MTBP: variants seen among roughly 807,000 people sequenced by gnomAD.
MTBP encodes the protein MDM2 binding protein, also known as mdm2-binding protein.
MTBP carries 101 observed loss-of-function variants against 117.0 expected under a neutral mutation model. The ratio of observed to expected loss-of-function variants is 0.86; its 90% CI spans 0.73 to 1.02. The LOEUF (loss-of-function observed/expected upper bound fraction) is 1.02. Among genes scored for constraint, MTBP ranks in the 50% least tolerant of loss-of-function variants. MTBP has a pLI of 0.00. For missense variants in MTBP, 970 were observed against 1,030.9 expected, an observed-to-expected ratio of 0.94 and a Z score of 0.81; for synonymous variants, 350 against 351.5, an observed-to-expected ratio of 1.00 and a Z score of 0.05.
At chr8:120,459,462 G>A in intron 8 of MTBP, 113 bp downstream of exon 8, 1 of 1,021,378 alleles carries the variant, frequency 9.8e-7, no homozygotes, top group South Asian at 1.9e-5. Context: ...GTGCTCACTA[G>A]CATAATTTTT....
chr8:120,482,967 G>A (rs745930965), intron 11 of MTBP, among the ~76,000 whole-genome samples: 41 of 150,728 alleles, frequency 2.7e-4, no homozygotes, highest in Non-Finnish European at 4.9e-4. Flanking sequence ...CCAAAGTGCT[G>A]GGATTACAGG....
chr8:120,518,872 T>A (rs1356523186), intron 20 of MTBP, 55 bp downstream of exon 20: 1 of 1,231,866 alleles, frequency 8.1e-7, no homozygotes, highest in Non-Finnish European at 1.2e-6. Context: ...AATGTTCCTG[T>A]TTGACATAAA....
intron 11 of MTBP, among the ~76,000 whole-genome samples, chr8:120,477,508 C>CA (rs1211298786): frequency 1.3e-5 from 2 of 152,118 alleles, no homozygotes; most frequent in Non-Finnish European, 2.9e-5. Context: ...ATCCATCTGA[C>CA]AAAGGGCTAA....
intron 13 of MTBP, among the ~76,000 whole-genome samples, chr8:120,496,946 T>C (rs970580698): frequency 6.6e-6 from 1 of 152,198 alleles, no homozygotes; most frequent in Non-Finnish European, 1.5e-5. Flanking sequence ...CCAAAATTTG[T>C]TGAAAAATGT....
At chr8:120,500,787 T>C (rs2130599454) in intron 14 of MTBP, among the ~76,000 whole-genome samples, 1 of 152,366 alleles carries the variant, frequency 6.6e-6, no homozygotes, top group Non-Finnish European at 1.5e-5. Context: ...CCAGGCGTGG[T>C]GGCTCACGCC....
intron 11 of MTBP, among the ~76,000 whole-genome samples, chr8:120,478,555 TA>T (rs1268715105): frequency 3.9e-5 from 6 of 152,222 alleles, no homozygotes; most frequent in Non-Finnish European, 7.3e-5. Context: ...CTTATATTTT[TA>T]AAATTGGAAT....
intron 17 of MTBP, 81 bp from the exon 18 acceptor site, chr8:120,515,844 T>C: frequency 1.6e-6 from 2 of 1,265,628 alleles, no homozygotes; most frequent in Non-Finnish European, 1.1e-6. Flanking sequence ...AAAGTAAATG[T>C]CCTGCTATTT....
At chr8:120,502,095 G>A (rs913778155) in intron 14 of MTBP, among the ~76,000 whole-genome samples, 1 of 152,008 alleles carries the variant, frequency 6.6e-6, no homozygotes, top group Non-Finnish European at 1.5e-5. Context: ...TGGTCTATTT[G>A]TGCTAATTCC....
intron 10 of MTBP, among the ~76,000 whole-genome samples, chr8:120,470,333 A>G (rs1813792432): frequency 6.6e-6 from 1 of 152,216 alleles, no homozygotes; most frequent in Non-Finnish European, 1.5e-5. Context: ...TATTAGCATT[A>G]AATCTCTGAT....
At chr8:120,506,325 G>A (rs1224800550) in intron 15 of MTBP, among the ~76,000 whole-genome samples, 1 of 152,022 alleles carries the variant, frequency 6.6e-6, no homozygotes, top group East Asian at 1.9e-4. Context: ...TTATAGTATT[G>A]TGGGGTTTCA....
chr8:120,449,821 G>T (rs1041401699), intron 2 of MTBP, among the ~76,000 whole-genome samples: 1 of 152,104 alleles, frequency 6.6e-6, no homozygotes, highest in Non-Finnish European at 1.5e-5. Flanking sequence ...ACTAAAAACC[G>T]CTAGATTTAG....
At chr8:120,479,808 AAACAT>A (rs1237531683) in intron 11 of MTBP, among the ~76,000 whole-genome samples, 1 of 152,140 alleles carries the variant, frequency 6.6e-6, no homozygotes, top group Non-Finnish European at 1.5e-5. Flanking sequence ...AATAAAAACA[AAACAT>A]AAAATGAATG....
At chr8:120,469,232 G>A (rs896665074) in intron 10 of MTBP, among the ~76,000 whole-genome samples, 3 of 151,690 alleles carry the variant, frequency 2.0e-5, no homozygotes, top group East Asian at 1.9e-4. Context: ...CTTTAGTAGA[G>A]ACAAGGTTAC....
intron 16 of MTBP, among the ~76,000 whole-genome samples, chr8:120,508,429 A>G (rs1358790294): frequency 6.6e-6 from 1 of 152,214 alleles, no homozygotes; most frequent in Non-Finnish European, 1.5e-5. Flanking sequence ...TGCTAGATAA[A>G]GATTTCCATT....
At chr8:120,454,382 T>C (rs1046482367) in intron 5 of MTBP, among the ~76,000 whole-genome samples, 1 of 152,106 alleles carries the variant, frequency 6.6e-6, no homozygotes, top group African/African-American at 2.4e-5. Flanking sequence ...AGAACCTATT[T>C]TTTTCCCCAT....
intron 11 of MTBP, among the ~76,000 whole-genome samples, chr8:120,486,316 G>A (rs1814213600): frequency 6.6e-6 from 1 of 152,086 alleles, no homozygotes; most frequent in South Asian, 2.1e-4. Context: ...GTAGTGCTTA[G>A]GGCCTTCTGT....
intron 11 of MTBP, chr8:120,471,807 G>C (rs1563791088): frequency 6.6e-6 from 1 of 152,144 alleles, no homozygotes. Context: ...CCAAGGGTTT[G>C]AATCTGTGCT....
intron 18 of MTBP, among the ~76,000 whole-genome samples, chr8:120,517,124 A>G (rs1019597510): frequency 6.6e-6 from 1 of 152,020 alleles, no homozygotes; most frequent in Non-Finnish European, 1.5e-5. Flanking sequence ...TGAGGGCTAT[A>G]AGACCCTATC....
chr8:120,503,341 C>T (rs993174288), intron 15 of MTBP, among the ~76,000 whole-genome samples: 1 of 152,152 alleles, frequency 6.6e-6, no homozygotes, highest in Non-Finnish European at 1.5e-5. Flanking sequence ...CTTTTAATGA[C>T]AGCAGCAATC....
Sources: allele counts gnomAD v4.1 joint callset (sites outside exome capture counted in the v4.1 genomes callset), GRCh38; gene constraint gnomAD v4.1.1; transcripts MANE v1.5; gene names NCBI Gene and HGNC (gene_info 2026-07-23, HGNC 2026-07-21).